Variants in DCP1B observed in about 807,000 individuals in gnomAD.
The protein encoded by DCP1B is mRNA-decapping enzyme 1B.
DCP1B carries 47 observed loss-of-function variants against 60.5 expected under a neutral mutation model. The ratio of observed to expected loss-of-function variants is 0.78; its 90% CI spans 0.61 to 0.99. The LOEUF is 0.99. Among genes scored for constraint, DCP1B ranks in the 50% least tolerant of loss-of-function variants. The pLI is 0.00. For missense variants in DCP1B, 725 were observed against 756.8 expected (o/e 0.96, Z 0.49); for synonymous variants, 267 against 280.3 (o/e 0.95, Z 0.47).
At chr12:1,998,073 C>A (rs2041359136) in intron 1 of DCP1B, 98 bp from the exon 2 acceptor site, 3 of 1,030,952 alleles carry the variant, frequency 2.9e-6, no homozygotes, top group Non-Finnish European at 1.4e-6. Context: ...TATATAACTT[C>A]AATGGGCCAA....
At chr12:1,965,437 T>C in intron 5 of DCP1B, 121 bp downstream of exon 5, 1 of 1,189,388 alleles carries the variant, frequency 8.4e-7, no homozygotes, top group Non-Finnish European at 1.1e-6. Context: ...GATTTTTTAT[T>C]TGTAATATAA....
At chr12:2,002,276 A>G (rs1039975794) in intron 1 of DCP1B, among the ~76,000 whole-genome samples, 2 of 152,182 alleles carry the variant, frequency 1.3e-5, no homozygotes, top group African/African-American at 4.8e-5. Flanking sequence ...TTAGGTTTAC[A>G]TTCAAACGGC....
chr12:1,968,965 G>A (rs941998332), intron 3 of DCP1B, among the ~76,000 whole-genome samples: 2 of 152,084 alleles, frequency 1.3e-5, no homozygotes, highest in African/African-American at 4.8e-5. Flanking sequence ...AGCTCCAGAA[G>A]ACATTTATAA....
rs1024443348 is a variant in DCP1B at position 1,954,123 on chromosome 12, A to C, written c.652-835T>G. On this transcript the variant is annotated intron_variant, in intron 6 of 8. Coordinates refer to ENST00000280665, the MANE Select transcript of DCP1B (RefSeq NM_152640.5). ...CTTGAGCCCAGGAGACACAAGTTGCAGTGAGCTGAGATGGTGCCACTGCAC... is the reference window on the plus strand; with the variant it reads ...CTTGAGCCCAGGAGACACAAGTTGCCGTGAGCTGAGATGGTGCCACTGCAC... Among the ~76,000 whole-genome samples the C allele has an allele frequency of 5.5e-4, 84 of 152,060 alleles. 1 individual carries two copies. The highest frequency in any genetic ancestry group is 1.9e-3 in the African/African-American group (79 of 41,478).
chr12:1,996,887 TTGTG>T (rs1279562683), intron 2 of DCP1B, among the ~76,000 whole-genome samples: 2 of 152,060 alleles, frequency 1.3e-5, no homozygotes, highest in Non-Finnish European at 2.9e-5. Context: ...GAAAATACAC[TTGTG>T]TGTGTGTATT....
intron 3 of DCP1B, among the ~76,000 whole-genome samples, chr12:1,979,428 T>C (rs2035457245): frequency 6.6e-6 from 1 of 152,062 alleles, no homozygotes; most frequent in African/African-American, 2.4e-5. Flanking sequence ...GATCCTGCCT[T>C]GGCCTCCCCA....
intron 3 of DCP1B, among the ~76,000 whole-genome samples, chr12:1,985,960 GCCA>G (rs1228325083): frequency 1.3e-5 from 2 of 152,112 alleles, no homozygotes; most frequent in Non-Finnish European, 2.9e-5. Context: ...GCAGGTGCCT[GCCA>G]CCACACTTGG....
intron 5 of DCP1B, among the ~76,000 whole-genome samples, chr12:1,959,892 A>G (rs1212663660): frequency 6.6e-6 from 1 of 151,704 alleles, no homozygotes; most frequent in African/African-American, 2.4e-5. Flanking sequence ...CCCAGGAGGT[A>G]GAGCTTGCCA....
intron 3 of DCP1B, among the ~76,000 whole-genome samples, chr12:1,968,356 A>C (rs1293048562): frequency 2.0e-5 from 3 of 151,602 alleles, no homozygotes; most frequent in Non-Finnish European, 4.4e-5. Context: ...CTGTCTCAAA[A>C]AAAAAAAAAA....
intron 5 of DCP1B, among the ~76,000 whole-genome samples, chr12:1,956,210 TTAATC>T (rs1457594720): frequency 8.5e-5 from 13 of 152,206 alleles, no homozygotes; most frequent in African/African-American, 3.1e-4. Flanking sequence ...TTATTATACA[TTAATC>T]TAACCAACCA....
chr12:1,964,876 C>A (rs113152140), intron 5 of DCP1B, among the ~76,000 whole-genome samples: 1 of 152,146 alleles, frequency 6.6e-6, no homozygotes, highest in African/African-American at 2.4e-5. Context: ...TCCATCCCCC[C>A]ACTCATCTCC....
intron 3 of DCP1B, among the ~76,000 whole-genome samples, chr12:1,978,942 G>T (rs1394022891): frequency 6.6e-6 from 1 of 152,096 alleles, no homozygotes; most frequent in East Asian, 1.9e-4. Flanking sequence ...ACTATTAATG[G>T]GTATCCAGGT....
downstream of DCP1B, among the ~76,000 whole-genome samples, chr12:1,945,482 C>T (rs570578922): frequency 7.3e-4 from 111 of 152,094 alleles, no homozygotes; most frequent in African/African-American, 2.0e-3. Context: ...GGTATATACC[C>T]GAAGGATTAT....
intron 3 of DCP1B, among the ~76,000 whole-genome samples, chr12:1,983,850 A>T (rs1198313183): frequency 6.6e-6 from 1 of 152,048 alleles, no homozygotes; most frequent in Admixed American, 6.5e-5. Flanking sequence ...AATTAAAAAA[A>T]AAACAAAAAC....
At chr12:1,945,844 G>A (rs983633961), downstream of DCP1B, among the ~76,000 whole-genome samples, 9 of 152,092 alleles carry the variant, frequency 5.9e-5, no homozygotes, top group South Asian at 8.3e-4. Context: ...GAGAACACAC[G>A]GACATAGGGA....
intron 3 of DCP1B, among the ~76,000 whole-genome samples, chr12:1,972,800 G>A (rs767777216): frequency 6.6e-6 from 1 of 152,078 alleles, no homozygotes; most frequent in Non-Finnish European, 1.5e-5. Context: ...AAAGAAGGAT[G>A]GAATGAAGGG....
rs139263459 is a variant in DCP1B, at chr12:1,953,255, T to C, written c.685A>G (p.Thr229Ala). The C allele has an allele frequency of 5.0e-6, 8 of 1,602,208 alleles. No individual in the cohort carries two copies. The highest frequency in any genetic ancestry group is 1.7e-5 in the Admixed American group (1 of 59,968). Residue 229 changes from threonine (T) to alanine (A), a missense_variant, in exon 7 of 9, where the codon ACA becomes GCA. By Grantham distance (58) the Thr-to-Ala change is moderately conservative. Transcript: ENST00000280665. The part of the protein sequence containing the change: ...LDPEPQHLSL[T>A]ALFGKQDKAT... ...TTGTCCTGCTTCCCAAACAGAGCTG[T>C]CAAGGATAAGTGTTGGGGTTCAGGG... is the stretch of plus-strand genomic sequence containing the variant.
intron 2 of DCP1B, among the ~76,000 whole-genome samples, chr12:1,997,714 T>C (rs1041396568): frequency 5.3e-5 from 8 of 152,344 alleles, no homozygotes; most frequent in Non-Finnish European, 8.8e-5. Context: ...TTCATCTACA[T>C]TGAAGTTTAA....
At chr12:2,004,121 C>T (rs1210081294) in intron 1 of DCP1B, 161 bp downstream of exon 1, 5 of 1,039,570 alleles carry the variant, frequency 4.8e-6, no homozygotes, top group Non-Finnish European at 6.9e-6. Flanking sequence ...CCCCAAACCC[C>T]CGAGACCCCA....
Sources: gnomAD v4.1 joint callset for allele counts (sites outside exome capture counted in the v4.1 genomes callset) on GRCh38, gnomAD v4.1.1 for gene constraint, MANE v1.5 for transcripts, NCBI Gene and HGNC (gene_info 2026-07-23, HGNC 2026-07-21) for gene names.